UBR3: variants seen among roughly 807,000 people sequenced by gnomAD.
UBR3 encodes the protein E3 ubiquitin-protein ligase UBR3.
A neutral mutation model predicts 243.2 loss-of-function variants in UBR3; 85 were observed. The observed-to-expected ratio is 0.35, with a 90% confidence interval of 0.29 to 0.42. The LOEUF (loss-of-function observed/expected upper bound fraction) is 0.42. Ranked by LOEUF, UBR3 falls within the 10% of genes least tolerant of loss-of-function variation. The pLI, the probability that UBR3 is intolerant of heterozygous loss-of-function variation, is 1.00. For missense variants in UBR3, 1,686 were observed against 2,300.8 expected (o/e 0.73, Z 5.47); for synonymous variants, 748 against 799.8 (o/e 0.94, Z 1.09).
chr2:169,988,618 A>G (rs2089135629), intron 25 of UBR3, among the ~76,000 whole-genome samples: 1 of 151,912 alleles, frequency 6.6e-6, no homozygotes, highest in Admixed American at 6.6e-5. Flanking sequence ...CAGCCTGGGC[A>G]ACACAGTAAG....
chr2:169,971,805 G>T (rs1346874116), intron 24 of UBR3, among the ~76,000 whole-genome samples: 1 of 152,122 alleles, frequency 6.6e-6, no homozygotes, highest in East Asian at 1.9e-4. Context: ...GCCCTCAGGA[G>T]AAAGCAGGAA....
intron 1 of UBR3, among the ~76,000 whole-genome samples, chr2:169,854,553 T>G (rs1340448075): frequency 6.6e-6 from 1 of 152,064 alleles, no homozygotes; most frequent in Non-Finnish European, 1.5e-5. Flanking sequence ...AGATTAAGAG[T>G]TTCTGTATTG....
chr2:169,974,403 T>A (rs2088324661), intron 24 of UBR3, among the ~76,000 whole-genome samples: 1 of 152,208 alleles, frequency 6.6e-6, no homozygotes, highest in South Asian at 2.1e-4. Context: ...GTAGGTTGTA[T>A]GTGTCCAGGA....
At chr2:169,836,065 A>ATTT (rs1558999105) in intron 1 of UBR3, among the ~76,000 whole-genome samples, 674 of 27,942 alleles carry the variant, frequency 0.024, 167 homozygotes, top group East Asian at 0.06. Flanking sequence ...ATATATATAT[A>ATTT]TATTTTTTTT....
intron 10 of UBR3, among the ~76,000 whole-genome samples, chr2:169,909,058 C>T (rs758901431): frequency 5.8e-4 from 88 of 151,968 alleles, no homozygotes; most frequent in Non-Finnish European, 1.1e-3. Context: ...CTCCTGACCT[C>T]GTGATCCGCC....
chr2:169,885,356 C>T (rs574174754), intron 5 of UBR3, among the ~76,000 whole-genome samples: 72 of 152,140 alleles, frequency 4.7e-4, no homozygotes, highest in African/African-American at 1.5e-3. Context: ...CCGAGGCGGG[C>T]GGATCACCTG....
In UBR3 at chr2:169,980,101, C is replaced by T. The variant is rs115808112; in HGVS notation, c.3635-6544C>T. Among the ~76,000 whole-genome samples the T allele has an allele frequency of 5.9e-3, 900 of 152,226 alleles. 7 individuals carry two copies. Among genetic ancestry groups the T allele is most frequent in the African/African-American group, 0.02 (848 of 41,548 alleles). ...GTGTATAACCAGTGAATAAAAGTTTCCCCATGGCATCATGAGTTAACAATT... is the reference window on the plus strand; with the variant it reads ...GTGTATAACCAGTGAATAAAAGTTTTCCCATGGCATCATGAGTTAACAATT... On this transcript the variant is annotated intron_variant, in intron 24 of 38. Coordinates refer to ENST00000272793, the MANE Select transcript of UBR3 (RefSeq NM_172070.4).
At chr2:170,068,443 G>A (rs1457528371) in intron 35 of UBR3, among the ~76,000 whole-genome samples, 5 of 152,242 alleles carry the variant, frequency 3.3e-5, no homozygotes, top group African/African-American at 1.2e-4. Context: ...ACTCCAGTCT[G>A]GGTGACAGAG....
intron 35 of UBR3, among the ~76,000 whole-genome samples, chr2:170,068,343 C>A (rs2091623258): frequency 2.0e-5 from 3 of 152,030 alleles, no homozygotes. Flanking sequence ...TGGTGTGCAC[C>A]TGTAGTCCTA....
intron 36 of UBR3, chr2:170,077,574 C>T (rs1228109626): frequency 5.5e-6 from 3 of 542,558 alleles, no homozygotes; most frequent in Non-Finnish European, 3.3e-6. Flanking sequence ...TCTATGCCTG[C>T]GTCTTTCTCT....
At chr2:169,886,549 T>G (rs925445688) in intron 5 of UBR3, among the ~76,000 whole-genome samples, 3 of 152,230 alleles carry the variant, frequency 2.0e-5, no homozygotes, top group African/African-American at 7.2e-5. Flanking sequence ...GATATTAATA[T>G]TTTCTGTCGC....
intron 31 of UBR3, among the ~76,000 whole-genome samples, chr2:170,032,109 A>G (rs1481971555): frequency 1.3e-5 from 2 of 152,022 alleles, no homozygotes; most frequent in African/African-American, 4.8e-5. Context: ...ATAAATTTGG[A>G]AAAAAAAGTG....
At chr2:169,912,801 G>A (rs915926320) in intron 10 of UBR3, among the ~76,000 whole-genome samples, 3 of 151,022 alleles carry the variant, frequency 2.0e-5, no homozygotes, top group African/African-American at 7.3e-5. Flanking sequence ...TTCTTTTTGA[G>A]ATAGGGTCTC....
intron 27 of UBR3, among the ~76,000 whole-genome samples, chr2:170,005,319 A>G (rs1170867957): frequency 6.6e-6 from 1 of 152,150 alleles, no homozygotes; most frequent in African/African-American, 2.4e-5. Flanking sequence ...GCAGTATTCA[A>G]GGACAAAGTT....
At chr2:169,936,116 A>G (rs547853689) in intron 19 of UBR3, among the ~76,000 whole-genome samples, 29 of 152,160 alleles carry the variant, frequency 1.9e-4, no homozygotes, top group African/African-American at 6.7e-4. Flanking sequence ...CTGGAGTACA[A>G]TGGCATGATC....
intron 13 of UBR3, 132 bp from the exon 14 acceptor site, chr2:169,925,487 A>G (rs894092168): frequency 1.2e-5 from 9 of 780,560 alleles, no homozygotes; most frequent in South Asian, 7.0e-5. Context: ...TCAACTGATT[A>G]TCTTTAACAT....
At chr2:170,063,427 T>A (rs1248722036) in intron 35 of UBR3, among the ~76,000 whole-genome samples, 2 of 151,858 alleles carry the variant, frequency 1.3e-5, no homozygotes, top group Non-Finnish European at 2.9e-5. Flanking sequence ...TAGAAATTTG[T>A]TCTCCTTTTA....
rs1164086434 is a variant in UBR3, at chr2:169,882,032, T to C, written c.1038+3458T>C. Among the ~76,000 whole-genome samples, 4 of 126,600 alleles carry C rather than the reference T, an allele frequency of 3.2e-5. No individual in the cohort carries two copies. The South Asian group carries it at 6.9e-4, about 22-fold the overall frequency. 83.1% of individuals were successfully genotyped at this position (126,600 alleles called of 152,430 possible). ...TATAATATGTATTATATATTATACA[T>C]GCATATTTATATGTATATTATATAT... On this transcript the variant is annotated intron_variant, in intron 5 of 38. Transcript: ENST00000272793.
intron 29 of UBR3, among the ~76,000 whole-genome samples, chr2:170,011,562 C>G (rs1016569717): frequency 1.3e-5 from 2 of 150,330 alleles, no homozygotes; most frequent in Admixed American, 6.6e-5. Flanking sequence ...TTTGTTTGCT[C>G]TTCAGAGGGT....
Sources: gnomAD v4.1 joint callset for allele counts (sites outside exome capture counted in the v4.1 genomes callset) on GRCh38, gnomAD v4.1.1 for gene constraint, MANE v1.5 for transcripts, NCBI Gene and HGNC (gene_info 2026-07-23, HGNC 2026-07-21) for gene names.